SCAMP4: variants seen among roughly 807,000 people sequenced by gnomAD.
SCAMP4 encodes the protein secretory carrier membrane protein 4.
Under a neutral mutation model 32.1 loss-of-function variants are expected in SCAMP4, and 19 were observed. The observed-to-expected ratio is 0.59, with a 90% CI of 0.41 to 0.87. SCAMP4 has a LOEUF of 0.87. Among genes scored for constraint, SCAMP4 ranks in the 40% least tolerant of loss-of-function variants. The pLI is 0.00. For synonymous variants in SCAMP4, 152 were observed against 132.7 expected, an observed-to-expected ratio of 1.15 and a Z score of -1.00; for missense variants, 302 against 309.0, an observed-to-expected ratio of 0.98 and a Z score of 0.17.
In SCAMP4 at chr19:1,920,593, G is replaced by A. The variant is rs932574951; in HGVS notation, c.395+1603G>A. 4.5e-5 allele frequency: 44 copies of A among 985,208 alleles called. 1 individual carries two copies. Among genetic ancestry groups the A allele is most frequent in the Non-Finnish European group, 4.9e-5 (41 of 829,842 alleles). The allele number at this position is 985,208 out of a possible 1,614,324, so 61.0% of individuals were successfully genotyped here. A position where few individuals can be genotyped will look rare whatever the true frequency, so the allele number is the denominator to read the frequency against. On this transcript the variant is annotated intron_variant, in intron 5 of 6. Transcript: ENST00000316097. The stretch of plus-strand genomic sequence containing the variant: ...GATCTGAGTTAGAGTCATAGTGAGC[G>A]TGTGCCTGGGACTCCCAGCTCTGCC...
At chr19:1,919,380 A>G (rs1463084954) in intron 5 of SCAMP4, 6 of 985,232 alleles carry the variant, frequency 6.1e-6, no homozygotes, top group Non-Finnish European at 2.4e-6. Context: ...ATCTGTAAAA[A>G]CACACATACC....
At chr19:1,909,669 C>T (rs924538738) in intron 1 of SCAMP4, among the ~76,000 whole-genome samples, 3 of 152,340 alleles carry the variant, frequency 2.0e-5, no homozygotes, top group South Asian at 2.1e-4. Flanking sequence ...ACCCGAGAGC[C>T]GCCTTGGCAC....
intron 1 of SCAMP4, among the ~76,000 whole-genome samples, chr19:1,909,364 G>A (rs1045757208): frequency 6.6e-6 from 1 of 152,202 alleles, no homozygotes; most frequent in Non-Finnish European, 1.5e-5. Flanking sequence ...CCTAGGGCAG[G>A]CTCCCTTCTA....
intron 1 of SCAMP4, among the ~76,000 whole-genome samples, chr19:1,909,388 G>A (rs1035420460): frequency 1.3e-5 from 2 of 152,172 alleles, no homozygotes; most frequent in Non-Finnish European, 2.9e-5. Context: ...GGCGGATCCC[G>A]AGAGCTGGGG....
Position 1,913,292 on chromosome 19 carries a change from C to T in SCAMP4, c.-41-1687C>T, listed in dbSNP as rs143913724. The T allele has an allele frequency of 8.8e-4, 1,115 of 1,274,080 alleles. 8 individuals are homozygous for T. In the African/African-American group the frequency reaches 0.015, roughly 18 times the overall value. The allele number at this position is 1,274,080 out of a possible 1,614,324, so 78.9% of individuals were successfully genotyped here. On this transcript the variant is annotated intron_variant, in intron 1 of 6. Coordinates refer to ENST00000316097, the MANE Select transcript of SCAMP4 (RefSeq NM_079834.4). ...CCGCCTCCAGCGGGGAGCACGGGTG[C>T]TGCCTTCCGTGCGGATCGAGCTTTC...
chr19:1,913,055 C>T (rs2013579390), intron 1 of SCAMP4: 1 of 1,603,332 alleles, frequency 6.2e-7, no homozygotes, highest in Non-Finnish European at 8.5e-7. Context: ...TGGGCACCCG[C>T]TTCCGCATCC....
intron 5 of SCAMP4, chr19:1,920,406 C>T (rs1221338925): frequency 2.8e-6 from 2 of 718,286 alleles, no homozygotes; most frequent in Non-Finnish European, 3.4e-6. Flanking sequence ...ACTCCTCTCC[C>T]TTCAGGGCCC....
At chr19:1,913,304 C>T in intron 1 of SCAMP4, 9 of 1,190,524 alleles carry the variant, frequency 7.6e-6, no homozygotes, top group South Asian at 4.9e-5. Flanking sequence ...GCCTTCCGTG[C>T]GGATCGAGCT....
chr19:1,913,462 G>C, intron 1 of SCAMP4: 1 of 476,988 alleles, frequency 2.1e-6, no homozygotes, highest in Non-Finnish European at 3.9e-6. Context: ...GTGTCTGTTA[G>C]GAGGTGTGTG....
chr19:1,922,186 G>C, intron 5 of SCAMP4: 1 of 985,492 alleles, frequency 1.0e-6, no homozygotes, highest in Non-Finnish European at 1.2e-6. Flanking sequence ...CCCAGAGGCT[G>C]GTCCTGCACA....
rs2013509956 is a variant in SCAMP4, at chr19:1,912,385, C to G, written c.-41-2594C>G. On this transcript the variant is annotated intron_variant, in intron 1 of 6. Transcript: ENST00000316097. ...GCCCTGGAGATGCTGCTTTGCCTGG[C>G]TGGGCCGGCCTCGGGCCCGCGCTCG... is the stretch of plus-strand genomic sequence containing the variant. 2 of 1,519,622 alleles carry G rather than the reference C, an allele frequency of 1.3e-6. No homozygotes were observed. The highest frequency in any genetic ancestry group is 1.8e-6 in the Non-Finnish European group (2 of 1,141,070). The allele number at this position is 1,519,622 out of a possible 1,614,324, so 94.1% of individuals were successfully genotyped here.
chr19:1,918,604 G>A (rs2013813324), intron 4 of SCAMP4: 2 of 512,630 alleles, frequency 3.9e-6, no homozygotes, highest in East Asian at 3.7e-5. Context: ...TCTACTATAG[G>A]TACAAAAATT....
chr19:1,922,965 T>A (rs145214272), intron 5 of SCAMP4, 105 bp from the exon 6 acceptor site: 1,017 of 1,394,888 alleles, frequency 7.3e-4, no homozygotes, highest in Non-Finnish European at 9.0e-4. Flanking sequence ...TGTCCACTCC[T>A]TGTTGATTGG....
chr19:1,909,104 GAAAA>G lies in SCAMP4; in HGVS notation c.-42+3675_-42+3678del, dbSNP rs774397199. On this transcript the variant is annotated intron_variant, in intron 1 of 6. Coordinates refer to ENST00000316097, the MANE Select transcript of SCAMP4 (RefSeq NM_079834.4). Reference sequence around the variant, plus strand: ...TGGGCAACAGAGTGAGACTCTGTCTGAAAAAAAAAAAAATGTGGGCTGGGCATGG... The same window carrying G: ...TGGGCAACAGAGTGAGACTCTGTCTGAAAAAAAAATGTGGGCTGGGCATGG... 3.0e-3 allele frequency among the ~76,000 whole-genome samples: 390 copies of G among 129,920 alleles called. 1 individual carries two copies. The highest frequency in any genetic ancestry group is 0.011 in the African/African-American group (374 of 34,944). The allele number at this position is 129,920 out of a possible 152,430, so 85.2% of individuals were successfully genotyped here. A position where few individuals can be genotyped will look rare whatever the true frequency, so the allele number is the denominator to read the frequency against.
chr19:1,918,745 G>C (rs1161516456), intron 4 of SCAMP4, 144 bp from the exon 5 acceptor site: 4 of 1,260,376 alleles, frequency 3.2e-6, no homozygotes, highest in East Asian at 5.2e-5. Flanking sequence ...CTGGGCGACA[G>C]AGTGAGACTC....
At chr19:1,911,398 C>T (rs2013439585) in intron 1 of SCAMP4, among the ~76,000 whole-genome samples, 1 of 150,978 alleles carries the variant, frequency 6.6e-6, no homozygotes, top group African/African-American at 2.4e-5. Flanking sequence ...TCTTAAACTC[C>T]TGGGCTCAAG....
At position 1,908,312 on chromosome 19, in the gene SCAMP4, C is replaced by T. The variant is rs1213871738; in HGVS notation, c.-42+2873C>T. On this transcript the variant is annotated intron_variant, in intron 1 of 6. Coordinates refer to ENST00000316097, the MANE Select transcript of SCAMP4 (RefSeq NM_079834.4). This position sits in a 1 kb window ranked among gnomAD's most constrained non-coding sequence, Gnocchi z 4.2. Reference sequence around the variant, plus strand: ...TGTTGAACGCGTGAGCTTCGGGCAGCGCTGGGGCCGCTTCAGCGTGACCTC... The same window carrying T: ...TGTTGAACGCGTGAGCTTCGGGCAGTGCTGGGGCCGCTTCAGCGTGACCTC... The T allele has an allele frequency of 1.4e-5, 5 of 350,288 alleles. No homozygotes were observed. The highest frequency in any genetic ancestry group is 4.2e-5 in the South Asian group (2 of 47,604). 21.7% of individuals were successfully genotyped at this position (350,288 alleles called of 1,614,324 possible).
chr19:1,906,865 A>ATT (rs1555836624), intron 1 of SCAMP4: 1 of 42,964 alleles, frequency 2.3e-5, no homozygotes, highest in Non-Finnish European at 4.3e-5. Context: ...AAAAAAAAAA[A>ATT]TTGTGTGTGT....
Position 1,922,500 on chromosome 19 carries a change from G to A in SCAMP4, c.396-570G>A. ...TCCGCCCGCCTCGGCCTCCCAAAGT[G>A]CTGGGACGACAGGCGTAAGCCTCTG... On this transcript the variant is annotated intron_variant, in intron 5 of 6. Coordinates refer to ENST00000316097, the MANE Select transcript of SCAMP4 (RefSeq NM_079834.4). 3 of 974,796 alleles carry A rather than the reference G, an allele frequency of 3.1e-6. No homozygotes were observed. In the South Asian group the frequency reaches 1.4e-4, roughly 46 times the overall value. 60.4% of individuals were successfully genotyped at this position (974,796 alleles called of 1,614,324 possible).
Sources: gnomAD v4.1 joint callset for allele counts (sites outside exome capture counted in the v4.1 genomes callset) on GRCh38, gnomAD v4.1.1 for gene constraint, Gnocchi (gnomAD v3.1) non-coding constraint, MANE v1.5 for transcripts, NCBI Gene and HGNC (gene_info 2026-07-23, HGNC 2026-07-21) for gene names.